The following UGT2A1 variants were observed in gnomAD, a reference collection of about 807,000 sequenced individuals.
UGT2A1 encodes UDP-glucuronosyltransferase 2A1.
Under a neutral mutation model 45.4 loss-of-function variants are expected in UGT2A1, and 61 were observed. The ratio of observed to expected loss-of-function variants is 1.34; its 90% confidence interval spans 1.09 to 1.66. The LOEUF (loss-of-function observed/expected upper bound fraction) is 1.66. UGT2A1 is among the 40% of genes most tolerant of loss of function. UGT2A1 has a pLI of 0.00. For missense variants in UGT2A1, 649 were observed against 574.3 expected (o/e 1.13, Z -1.33); for synonymous variants, 229 against 196.2 (o/e 1.17, Z -1.40).
intron 3 of UGT2A1, among the ~76,000 whole-genome samples, chr4:69,612,972 A>T (rs2109920648): frequency 6.6e-6 from 1 of 151,984 alleles, no homozygotes; most frequent in Non-Finnish European, 1.5e-5. Flanking sequence ...ATATTTACAA[A>T]CTATTCATTT....
At chr4:69,608,942 T>C (rs1239512704) in intron 3 of UGT2A1, among the ~76,000 whole-genome samples, 11 of 152,260 alleles carry the variant, frequency 7.2e-5, no homozygotes, top group Middle Eastern at 3.4e-3. Flanking sequence ...TAAGACAGCA[T>C]AAAAATCCTT....
At chr4:69,615,483 G>T (rs1720324586) in intron 3 of UGT2A1, among the ~76,000 whole-genome samples, 1 of 151,692 alleles carries the variant, frequency 6.6e-6, no homozygotes, top group Admixed American at 6.6e-5. Flanking sequence ...ATCTGACAAG[G>T]GATTGATAAG....
chr4:69,606,540 C>A (rs1359608715), intron 3 of UGT2A1, among the ~76,000 whole-genome samples: 1 of 136,262 alleles, frequency 7.3e-6, no homozygotes, highest in African/African-American at 3.0e-5. Context: ...TCTCACCACT[C>A]CTATTCAACA....
rs1718483709 is a variant in UGT2A1 at position 69,589,726 on chromosome 4, CT to C, written c.1305-76del. 1.5e-5 allele frequency: 23 copies of C among 1,528,128 alleles called. 1 individual carries two copies. The South Asian group carries it at 3.0e-4, about 20-fold the overall frequency. 94.7% of individuals were successfully genotyped at this position (1,528,128 alleles called of 1,614,324 possible). A position where few individuals can be genotyped will look rare whatever the true frequency, so the allele number is the denominator to read the frequency against. ...TCATTGAAGATAAATATGTGATACACTTTTGCTCTACAAGTTTAAGGCCATA... is the reference window on the plus strand; with the variant it reads ...TCATTGAAGATAAATATGTGATACACTTTGCTCTACAAGTTTAAGGCCATA... On this transcript the variant is annotated intron_variant, in intron 6 of 6. Transcript: ENST00000286604.
intron 2 of UGT2A1, 96 bp downstream of exon 2, chr4:69,646,834 G>C: frequency 1.2e-6 from 1 of 838,592 alleles, no homozygotes; most frequent in Non-Finnish European, 1.8e-6. Flanking sequence ...TCAATACTTG[G>C]AATTAAAAAA....
intron 4 of UGT2A1, among the ~76,000 whole-genome samples, chr4:69,597,944 T>C (rs1432315): frequency 0.19 from 29,584 of 152,070 alleles, 3,496 homozygotes; most frequent in East Asian, 0.55. Flanking sequence ...TGTCTGCTAT[T>C]GTAAAACATG....
chr4:69,638,863 T>A (rs985939507), intron 2 of UGT2A1: 1 of 1,506,742 alleles, frequency 6.6e-7, no homozygotes, highest in Non-Finnish European at 8.9e-7. Flanking sequence ...AAATAAGGGA[T>A]GTGGAGTCAT....
intron 6 of UGT2A1, among the ~76,000 whole-genome samples, chr4:69,594,038 A>T (rs1041539968): frequency 6.7e-6 from 1 of 148,246 alleles, no homozygotes; most frequent in Non-Finnish European, 1.5e-5. Context: ...GCAGTGGCAC[A>T]ATCTTGGCTC....
At chr4:69,641,438 G>T (rs17147542) in intron 2 of UGT2A1, among the ~76,000 whole-genome samples, 53,882 of 151,320 alleles carry the variant, frequency 0.36, 9,874 homozygotes, top group African/African-American at 0.4. Context: ...CTTCTCTTCC[G>T]AAGTGCTCCC....
intron 3 of UGT2A1, among the ~76,000 whole-genome samples, chr4:69,607,377 T>A (rs1444098420): frequency 6.6e-6 from 1 of 151,602 alleles, no homozygotes; most frequent in Admixed American, 6.6e-5. Context: ...TGTAGAAAGC[T>A]GAACCTGGAT....
chr4:69,615,615 T>G (rs1366808578), intron 3 of UGT2A1, among the ~76,000 whole-genome samples: 1 of 151,810 alleles, frequency 6.6e-6, no homozygotes, highest in Non-Finnish European at 1.5e-5. Flanking sequence ...GAAGAAATGG[T>G]CAACATCACT....
chr4:69,648,271 C>G (rs1322448054), intron 1 of UGT2A1, among the ~76,000 whole-genome samples: 4 of 123,634 alleles, frequency 3.2e-5, no homozygotes, highest in Non-Finnish European at 1.7e-5. Context: ...TATATTACTA[C>G]TTTAGTAATA....
chr4:69,603,341 A>G (rs1480533329), intron 3 of UGT2A1, among the ~76,000 whole-genome samples: 1 of 137,228 alleles, frequency 7.3e-6, no homozygotes, highest in Non-Finnish European at 1.6e-5. Context: ...CATGAATGAC[A>G]AAGATGCAGG....
At chr4:69,643,573 A>T (rs558608440) in intron 2 of UGT2A1, among the ~76,000 whole-genome samples, 1 of 151,648 alleles carries the variant, frequency 6.6e-6, no homozygotes, top group African/African-American at 2.4e-5. Context: ...GAAGATATTA[A>T]TATATACTGC....
At position 69,646,962 on chromosome 4, in the gene UGT2A1, T is replaced by A. The variant is rs777070472; in HGVS notation, c.683A>T (p.Lys228Ile). 6.3e-7 allele frequency: 1 copy of A among 1,599,952 alleles called. No homozygotes were observed. Among genetic ancestry groups the A allele is most frequent in the Non-Finnish European group, 8.5e-7 (1 of 1,174,702 alleles). ...TTTACTATAGTATGAATCCCATGAT[T>A]TCCAAAGAGTTTCAAACATGTAGTC... ...LQDYMFETLW[K>I]SWDSYYSKAL... The change falls in exon 2 of 7, where the codon AAA (lysine) becomes ATA (isoleucine). Residue 228 changes from lysine (K) to isoleucine (I), a missense_variant. By Grantham distance (102) the Lys-to-Ile change is moderately radical. Coordinates refer to ENST00000286604, the MANE Select transcript of UGT2A1 (RefSeq NM_001252275.3).
At chr4:69,606,772 C>T (rs1719651249) in intron 3 of UGT2A1, among the ~76,000 whole-genome samples, 1 of 136,426 alleles carries the variant, frequency 7.3e-6, no homozygotes, top group Non-Finnish European at 1.6e-5. Flanking sequence ...TTCTTATACA[C>T]CAATAACAGA....
chr4:69,639,361 A>G (rs1234966774), intron 2 of UGT2A1: 1 of 1,613,700 alleles, frequency 6.2e-7, no homozygotes, highest in South Asian at 1.1e-5. Context: ...TCAATTAAGG[A>G]ATCTATATTG....
intron 1 of UGT2A1, among the ~76,000 whole-genome samples, chr4:69,652,930 C>G (rs932280860): frequency 6.6e-6 from 1 of 152,182 alleles, no homozygotes; most frequent in Non-Finnish European, 1.5e-5. Context: ...TGAGTTCACA[C>G]TTAGACAAAA....
At chr4:69,625,424 GT>G (rs1476939224) in intron 3 of UGT2A1, among the ~76,000 whole-genome samples, 2 of 150,856 alleles carry the variant, frequency 1.3e-5, no homozygotes, top group Admixed American at 6.6e-5. Context: ...ATGTTAGGAT[GT>G]TTTGTTTATT....
Sources: allele counts gnomAD v4.1 joint callset (sites outside exome capture counted in the v4.1 genomes callset), GRCh38; gene constraint gnomAD v4.1.1; transcripts MANE v1.5; gene names NCBI Gene and HGNC (gene_info 2026-07-23, HGNC 2026-07-21).